Variants in TPST1 observed in about 807,000 individuals in gnomAD.
TPST1 encodes the protein tyrosylprotein sulfotransferase 1, also known as protein-tyrosine sulfotransferase 1.
In TPST1, 20 loss-of-function variants were observed where a neutral mutation model predicts 34.8. That is an observed-to-expected ratio of 0.57 (90% confidence interval 0.40 to 0.84). The LOEUF (loss-of-function observed/expected upper bound fraction) is 0.84, where lower values mean the gene tolerates loss of function less well. Ranked by LOEUF, TPST1 falls within the 40% of genes least tolerant of loss-of-function variation. The pLI is 0.00. For missense variants in TPST1, 353 were observed against 455.5 expected (o/e 0.78, Z 2.05); for synonymous variants, 152 against 159.4 (o/e 0.95, Z 0.35).
At chr7:66,220,044 A>G (rs1449730408) in intron 1 of TPST1, among the ~76,000 whole-genome samples, 1 of 152,196 alleles carries the variant, frequency 6.6e-6, no homozygotes, top group Admixed American at 6.5e-5. Flanking sequence ...GCAAGGGTCA[A>G]AGGAAAAAAA....
intron 2 of TPST1, among the ~76,000 whole-genome samples, chr7:66,241,545 C>A (rs184910540): frequency 1.3e-5 from 2 of 152,188 alleles, no homozygotes; most frequent in Admixed American, 1.3e-4. Flanking sequence ...ACAAACCCAC[C>A]TTACAGGCGG....
Position 66,207,000 on chromosome 7 carries a change from C to T in TPST1, c.-102+1478C>T, listed in dbSNP as rs544609146. On this transcript the variant is annotated intron_variant, in intron 1 of 5. Transcript: ENST00000304842. ...TCGATTTTTAAAAAAGAGTAAAATACGTTTGACTTTTTAAAATGATAAAAG... is the reference window on the plus strand; with the variant it reads ...TCGATTTTTAAAAAAGAGTAAAATATGTTTGACTTTTTAAAATGATAAAAG... Among the ~76,000 whole-genome samples, 7 of 151,110 alleles carry T rather than the reference C, an allele frequency of 4.6e-5. No individual in the cohort carries two copies. The South Asian group carries it at 1.5e-3, about 33-fold the overall frequency.
At chr7:66,219,037 C>T (rs1046286943) in intron 1 of TPST1, among the ~76,000 whole-genome samples, 17 of 145,506 alleles carry the variant, frequency 1.2e-4, no homozygotes, top group African/African-American at 3.0e-4. Context: ...TGTACCACCA[C>T]GCCTGGCTAA....
At chr7:66,251,274 G>A (rs528784368) in intron 2 of TPST1, among the ~76,000 whole-genome samples, 3 of 152,190 alleles carry the variant, frequency 2.0e-5, no homozygotes, top group South Asian at 2.1e-4. Flanking sequence ...TAATAATACC[G>A]ATTGCAGATG....
At chr7:66,253,457 G>A (rs765262268) in intron 2 of TPST1, among the ~76,000 whole-genome samples, 18 of 146,746 alleles carry the variant, frequency 1.2e-4, no homozygotes, top group Admixed American at 4.2e-4. Context: ...TGCAACCTCC[G>A]CCTCCTGGGT....
rs1004589174 is a variant in TPST1 at position 66,214,803 on chromosome 7, TA to T, written c.-102+9290del. On this transcript the variant is annotated intron_variant, in intron 1 of 5. Transcript: ENST00000304842. ...CTGGGCGACAGTGTGAGACCCTGCC[TA>T]AAAAAAAAGCCACCAACAAAAATAT... Among the ~76,000 whole-genome samples, 172 of 147,192 alleles carry T rather than the reference TA, an allele frequency of 1.2e-3. 2 individuals carry two copies. Among genetic ancestry groups the T allele is most frequent in the African/African-American group, 3.8e-3 (154 of 40,202 alleles).
intron 1 of TPST1, among the ~76,000 whole-genome samples, chr7:66,209,803 A>T (rs1789207830): frequency 1.3e-5 from 2 of 152,144 alleles, no homozygotes; most frequent in African/African-American, 4.8e-5. Context: ...GGTAACATGA[A>T]TGAGTATTGT....
At chr7:66,228,020 G>A (rs1789700484) in intron 1 of TPST1, among the ~76,000 whole-genome samples, 2 of 152,140 alleles carry the variant, frequency 1.3e-5, no homozygotes, top group African/African-American at 4.8e-5. Context: ...GCATTAAAAT[G>A]ATCTACAAGT....
intron 3 of TPST1, among the ~76,000 whole-genome samples, chr7:66,325,945 T>A (rs1001376949): frequency 2.0e-5 from 3 of 152,234 alleles, no homozygotes; most frequent in Non-Finnish European, 4.4e-5. Context: ...TTAATTTTTT[T>A]AAAAAGTAAA....
intron 1 of TPST1, among the ~76,000 whole-genome samples, chr7:66,216,730 A>C (rs547818511): frequency 1.3e-5 from 2 of 152,174 alleles, no homozygotes; most frequent in South Asian, 4.2e-4. Flanking sequence ...AGCCTCCCAA[A>C]GTGCTGGGAT....
chr7:66,223,657 G>C (rs1224382720), intron 1 of TPST1, among the ~76,000 whole-genome samples: 1 of 151,920 alleles, frequency 6.6e-6, no homozygotes, highest in Non-Finnish European at 1.5e-5. Flanking sequence ...CTGATTTATA[G>C]GTCTGAGAAG....
chr7:66,347,059 C>CTTTTTTTTTTTTTTTTTTTTTTTTT lies in TPST1; in HGVS notation c.1045-5444_1045-5420dup, dbSNP rs71051352. Among the ~76,000 whole-genome samples, 18 of 59,972 alleles carry CTTTTTTTTTTTTTTTTTTTTTTTTT rather than the reference C, an allele frequency of 3.0e-4. 6 individuals are homozygous for CTTTTTTTTTTTTTTTTTTTTTTTTT. Among genetic ancestry groups the CTTTTTTTTTTTTTTTTTTTTTTTTT allele is most frequent in the Admixed American group, 8.5e-4 (3 of 3,546 alleles). The allele number at this position is 59,972 out of a possible 152,430, so 39.3% of individuals were successfully genotyped here. ...TTTCTTCTTTTTTTCCTTTGCTTTT[C>CTTTTTTTTTTTTTTTTTTTTTTTTT]TTTTTTTTTTTTTTTTTTTTTTTTT... On this transcript the variant is annotated intron_variant, in intron 3 of 5. Transcript: ENST00000304842.
chr7:66,284,865 A>G (rs1791003647), intron 2 of TPST1, among the ~76,000 whole-genome samples: 1 of 151,920 alleles, frequency 6.6e-6, no homozygotes, highest in Non-Finnish European at 1.5e-5. Context: ...TCTCATCTCT[A>G]TTTCTAATTC....
chr7:66,252,597 T>C (rs1039763762), intron 2 of TPST1, among the ~76,000 whole-genome samples: 1 of 152,144 alleles, frequency 6.6e-6, no homozygotes, highest in Non-Finnish European at 1.5e-5. Context: ...CCTCCCAAAG[T>C]GCTGGGATTA....
At chr7:66,329,935 G>A (rs1791963302) in intron 3 of TPST1, among the ~76,000 whole-genome samples, 1 of 152,120 alleles carries the variant, frequency 6.6e-6, no homozygotes, top group African/African-American at 2.4e-5. Flanking sequence ...AGTAGACACT[G>A]GGAATACAAG....
chr7:66,349,225 G>C (rs1177174106), intron 3 of TPST1, among the ~76,000 whole-genome samples: 1 of 152,170 alleles, frequency 6.6e-6, no homozygotes, highest in Non-Finnish European at 1.5e-5. Flanking sequence ...TCTAGCAGAA[G>C]AGGCTAGCTC....
intron 3 of TPST1, among the ~76,000 whole-genome samples, chr7:66,294,202 G>GT (rs1393462598): frequency 3.9e-5 from 6 of 152,086 alleles, no homozygotes; most frequent in Admixed American, 2.6e-4. Context: ...GTCAACTGCA[G>GT]TTTTTTGTGT....
At chr7:66,300,804 G>GGT (rs1177686115) in intron 3 of TPST1, among the ~76,000 whole-genome samples, 1 of 152,040 alleles carries the variant, frequency 6.6e-6, no homozygotes, top group Admixed American at 6.6e-5. Flanking sequence ...AAATTAGCTG[G>GGT]GTGTGGTGGC....
chr7:66,209,835 GTTTA>G (rs2116211156), intron 1 of TPST1, among the ~76,000 whole-genome samples: 1 of 152,250 alleles, frequency 6.6e-6, no homozygotes, highest in Non-Finnish European at 1.5e-5. Context: ...TTTTGATTAT[GTTTA>G]TTTATTTTTC....
Sources: gnomAD v4.1 joint callset for allele counts (sites outside exome capture counted in the v4.1 genomes callset) on GRCh38, gnomAD v4.1.1 for gene constraint, MANE v1.5 for transcripts, NCBI Gene and HGNC (gene_info 2026-07-23, HGNC 2026-07-21) for gene names.